DLG2: variants seen among roughly 807,000 people sequenced by gnomAD.
The protein encoded by DLG2 is disks large homolog 2.
DLG2 carries 45 observed loss-of-function variants against 132.5 expected under a neutral mutation model. That is an observed-to-expected ratio of 0.34 (90% CI 0.27 to 0.44). The LOEUF (loss-of-function observed/expected upper bound fraction) is 0.44. Ranked by LOEUF, DLG2 falls within the 20% of genes least tolerant of loss-of-function variation. The pLI, the probability that DLG2 is intolerant of heterozygous loss-of-function variation, is 1.00. For missense variants in DLG2, 1,045 were observed against 1,196.9 expected (o/e 0.87, Z 1.87); for synonymous variants, 424 against 419.6 (o/e 1.01, Z -0.13).
intron 7 of DLG2, among the ~76,000 whole-genome samples, chr11:84,388,872 A>T (rs533352672): frequency 6.6e-6 from 1 of 152,068 alleles, no homozygotes; most frequent in Non-Finnish European, 1.5e-5. Flanking sequence ...TCCTTTGTTC[A>T]CTGACTACAT....
intron 21 of DLG2, among the ~76,000 whole-genome samples, chr11:83,529,332 T>G (rs565719046): frequency 6.6e-6 from 1 of 152,296 alleles, no homozygotes; most frequent in South Asian, 2.1e-4. Context: ...AGTTGTTCTC[T>G]CCTTTCCTCA....
intron 7 of DLG2, among the ~76,000 whole-genome samples, chr11:84,502,536 C>T (rs919885807): frequency 3.3e-5 from 5 of 150,810 alleles, no homozygotes; most frequent in Non-Finnish European, 7.4e-5. Flanking sequence ...GCTGGGACTA[C>T]AGGGTCCCGC....
intron 6 of DLG2, among the ~76,000 whole-genome samples, chr11:84,665,470 C>G (rs571983276): frequency 4.6e-5 from 7 of 152,056 alleles, no homozygotes; most frequent in Non-Finnish European, 1.0e-4. Flanking sequence ...TTCATATATT[C>G]AAATCTCTTT....
chr11:85,208,064 A>G (rs1415306459), intron 4 of DLG2, among the ~76,000 whole-genome samples: 3 of 152,124 alleles, frequency 2.0e-5, no homozygotes, highest in African/African-American at 7.2e-5. Flanking sequence ...CTGTGGACAG[A>G]CATTATATTA....
At chr11:85,159,885 A>T (rs1161271065) in intron 4 of DLG2, among the ~76,000 whole-genome samples, 1 of 152,222 alleles carries the variant, frequency 6.6e-6, no homozygotes, top group Non-Finnish European at 1.5e-5. Context: ...ACAAGATACC[A>T]CAATGGCCCA....
intron 6 of DLG2, among the ~76,000 whole-genome samples, chr11:85,081,104 C>T (rs1169585547): frequency 6.6e-6 from 1 of 152,058 alleles, no homozygotes; most frequent in Non-Finnish European, 1.5e-5. Context: ...AACATTAAAG[C>T]TTTGTTTCTT....
rs2099364040 is a variant in DLG2 at position 84,539,916 on chromosome 11, A to G, written c.358-5185T>C. Among the ~76,000 whole-genome samples the G allele has an allele frequency of 1.3e-5, 2 of 152,184 alleles. 1 individual carries two copies. The highest frequency in any genetic ancestry group is 1.3e-4 in the Admixed American group (2 of 15,280). On this transcript the variant is annotated intron_variant, in intron 6 of 27. Transcript: ENST00000376104. ...TCTACAACCATCTGATCTTTGACAA[A>G]TCTGACAAAAACAAGAAATGGGGAA...
intron 3 of DLG2, among the ~76,000 whole-genome samples, chr11:85,332,153 C>A (rs1015323081): frequency 6.6e-6 from 1 of 152,146 alleles, no homozygotes; most frequent in Non-Finnish European, 1.5e-5. Flanking sequence ...TTAATAATAG[C>A]TACTCTGACT....
At chr11:84,685,182 CA>C (rs1268660713) in intron 6 of DLG2, among the ~76,000 whole-genome samples, 1 of 152,178 alleles carries the variant, frequency 6.6e-6, no homozygotes, top group Non-Finnish European at 1.5e-5. Context: ...AGTTTTCTGA[CA>C]ACCTATCCAC....
chr11:85,406,689 A>G (rs1422619982), intron 3 of DLG2, among the ~76,000 whole-genome samples: 1 of 151,936 alleles, frequency 6.6e-6, no homozygotes, highest in Non-Finnish European at 1.5e-5. Flanking sequence ...TTATTCATTC[A>G]TTCTTTAACA....
At chr11:85,400,676 G>A (rs1261908682) in intron 3 of DLG2, among the ~76,000 whole-genome samples, 21 of 147,468 alleles carry the variant, frequency 1.4e-4, no homozygotes, top group East Asian at 8.0e-4. Context: ...GTAAACTATC[G>A]CAAGGACAAA....
At chr11:83,694,480 G>T (rs756828465) in intron 18 of DLG2, among the ~76,000 whole-genome samples, 43 of 152,174 alleles carry the variant, frequency 2.8e-4, no homozygotes, top group Non-Finnish European at 4.9e-4. Flanking sequence ...ATTGCAGATA[G>T]AAATGTGAAC....
chr11:84,709,683 GA>G (rs2060155056), intron 6 of DLG2, among the ~76,000 whole-genome samples: 1 of 151,798 alleles, frequency 6.6e-6, no homozygotes, highest in Non-Finnish European at 1.5e-5. Context: ...GCTTGGTACA[GA>G]GGGTAGAATA....
At chr11:85,227,342 T>G (rs1345885870) in intron 4 of DLG2, among the ~76,000 whole-genome samples, 1 of 152,120 alleles carries the variant, frequency 6.6e-6, no homozygotes, top group Non-Finnish European at 1.5e-5. Flanking sequence ...GTCTTGTAAG[T>G]ATTCCTGTCA....
intron 21 of DLG2, among the ~76,000 whole-genome samples, chr11:83,505,198 AAT>A (rs149021344): frequency 2.0e-5 from 3 of 152,140 alleles, no homozygotes; most frequent in African/African-American, 7.2e-5. Context: ...GAAGAGGTGC[AAT>A]ATATATATAA....
At chr11:85,021,018 T>C in intron 6 of DLG2, 1 of 773,120 alleles carries the variant, frequency 1.3e-6, no homozygotes, top group Non-Finnish European at 2.4e-6. Context: ...ATCTACTGCT[T>C]GTTTGTTCTG....
rs117214057 is a variant in DLG2 at position 84,385,836 on chromosome 11, C to T, written c.520-134545G>A. On this transcript the variant is annotated intron_variant, in intron 7 of 27. Transcript: ENST00000376104. Reference sequence around the variant, plus strand: ...TGAACAATAAAGAGACCTGTATGCACGCATAATTTTGTGTTTCCTATTTAG... The same window carrying T: ...TGAACAATAAAGAGACCTGTATGCATGCATAATTTTGTGTTTCCTATTTAG... Among the ~76,000 whole-genome samples, 173 of 152,148 alleles carry T rather than the reference C, an allele frequency of 1.1e-3. 1 individual carries two copies. In the East Asian group the frequency reaches 0.021, roughly 18 times the overall value.
chr11:84,796,728 G>A (rs1004446857), intron 6 of DLG2, among the ~76,000 whole-genome samples: 9 of 151,728 alleles, frequency 5.9e-5, no homozygotes, highest in East Asian at 1.9e-4. Context: ...ACTCTCTCCC[G>A]GCCTATAAGG....
intron 8 of DLG2, among the ~76,000 whole-genome samples, chr11:84,170,226 G>A (rs1048033639): frequency 1.3e-5 from 2 of 152,120 alleles, no homozygotes; most frequent in African/African-American, 2.4e-5. Flanking sequence ...GCCCTTTCCT[G>A]TGAAATATGG....
Sources: gnomAD v4.1 joint callset for allele counts (sites outside exome capture counted in the v4.1 genomes callset) on GRCh38, gnomAD v4.1.1 for gene constraint, MANE v1.5 for transcripts, NCBI Gene and HGNC (gene_info 2026-07-23, HGNC 2026-07-21) for gene names.